The following TOP2A variants were observed in gnomAD, a reference collection of about 807,000 sequenced individuals.
The protein encoded by TOP2A is DNA topoisomerase 2-alpha.
TOP2A carries 68 observed loss-of-function variants against 187.2 expected under a neutral mutation model. The ratio of observed to expected loss-of-function variants is 0.36; its 90% CI spans 0.30 to 0.44. TOP2A has a LOEUF of 0.44. Ranked by LOEUF, TOP2A falls within the 20% of genes least tolerant of loss-of-function variation. TOP2A has a pLI of 1.00. For missense variants in TOP2A, 1,196 were observed against 1,808.7 expected, an observed-to-expected ratio of 0.66 and a Z score of 6.14; for synonymous variants, 542 against 593.2, an observed-to-expected ratio of 0.91 and a Z score of 1.25.
In TOP2A at chr17:40,404,858, T is replaced by C; in HGVS notation, c.1979A>G (p.Asp660Gly). The C allele has an allele frequency of 6.3e-7, 1 of 1,594,996 alleles. No homozygotes were observed. Among genetic ancestry groups the C allele is most frequent in the Non-Finnish European group, 8.6e-7 (1 of 1,169,300 alleles). ...SLAFSKKQID[D>G]RKEWLTNFME... ...GAAATTAGTTAACCATTCCTTTCGATCATCTATCTGTTTTTTGCTAAAGGC... is the reference window on the plus strand; with the variant it reads ...GAAATTAGTTAACCATTCCTTTCGACCATCTATCTGTTTTTTGCTAAAGGC... The change falls in exon 17 of 35, where the codon GAT becomes GGT. Residue 660 changes from aspartate to glycine, a missense_variant. By Grantham distance (94) the Asp-to-Gly change is moderately conservative. This residue lies in a region of TOP2A where 209 missense variants were observed against 376.9 expected (regional missense o/e 0.55). Coordinates refer to ENST00000423485, the MANE Select transcript of TOP2A (RefSeq NM_001067.4).
At chr17:40,409,627 T>C (rs1189671037) in intron 10 of TOP2A, 2 of 301,000 alleles carry the variant, frequency 6.6e-6, no homozygotes, top group Middle Eastern at 8.2e-4. Flanking sequence ...GATGTGATGG[T>C]GCATGTCTGT....
rs1413976895 is a variant in TOP2A, at chr17:40,411,192, C to T, written c.1120G>A (p.Asp374Asn). 3 of 1,613,550 alleles carry T rather than the reference C, an allele frequency of 1.9e-6. No homozygotes were observed. The highest frequency in any genetic ancestry group is 2.5e-6 in the Non-Finnish European group (3 of 1,179,746). Residue 374 changes from aspartate (D) to asparagine (N), a missense_variant, in exon 10 of 35, where the codon GAC becomes AAC. Around this residue, in one of 10 missense-constraint regions of TOP2A, gnomAD observed 252 missense variants for 434.8 expected, o/e 0.58. Coordinates refer to ENST00000423485, the MANE Select transcript of TOP2A (RefSeq NM_001067.4). The surrounding 1 kb of genome is among the most constrained non-coding windows in gnomAD (Gnocchi z 4.4). ...GTCATGTTTTCTTTTGTCTGAGAGT[C>T]AAAGGTTGGGTTTTCAATTAAGGCA... ...VNALIENPTF[D>N]SQTKENMTLQ...
intron 11 of TOP2A, 26 bp downstream of exon 11, chr17:40,408,466 G>A: frequency 6.3e-7 from 1 of 1,590,048 alleles, no homozygotes; most frequent in Non-Finnish European, 8.5e-7. Flanking sequence ...AGACTTAAAA[G>A]TTTGGAAACA....
intron 20 of TOP2A, among the ~76,000 whole-genome samples, chr17:40,402,318 C>A (rs914920576): frequency 1.3e-5 from 2 of 152,024 alleles, no homozygotes; most frequent in Non-Finnish European, 2.9e-5. Context: ...GGGGAGAGAC[C>A]AAGACTGGAG....
chr17:40,407,014 AG>A, intron 13 of TOP2A, 72 bp from the exon 14 acceptor site: 2 of 1,288,592 alleles, frequency 1.6e-6, no homozygotes, highest in Non-Finnish European at 2.2e-6. Flanking sequence ...CTGTAATCCC[AG>A]AACTTTGGGA....
At chr17:40,390,248 G>A in intron 33 of TOP2A, 84 bp from the exon 34 acceptor site, 1 of 1,280,996 alleles carries the variant, frequency 7.8e-7, no homozygotes, top group Non-Finnish European at 1.1e-6. Context: ...GAGTGCAGTG[G>A]TGTTATCTCG....
At chr17:40,413,150 A>G in intron 6 of TOP2A, 45 bp downstream of exon 6, 1 of 1,427,468 alleles carries the variant, frequency 7.0e-7, no homozygotes, top group Non-Finnish European at 9.6e-7. Flanking sequence ...AAATGGCTAT[A>G]CTACTACCAT....
chr17:40,416,005 G>T lies in TOP2A; in HGVS notation c.332C>A (p.Pro111Gln). The change falls in exon 4 of 35, where the codon CCG becomes CAG. Residue 111 changes from proline to glutamine, a missense_variant and splice_region_variant. This residue lies in a region of TOP2A where 97 missense variants were observed against 171.0 expected (regional missense o/e 0.57). Coordinates refer to ENST00000423485, the MANE Select transcript of TOP2A (RefSeq NM_001067.4). Reference sequence around the variant, plus strand: ...AACAAAAACTAAGCAAAAGACGTACGGATCAATTGTGACTCTAATACAAGA... The same window carrying T: ...AACAAAAACTAAGCAAAAGACGTACTGATCAATTGTGACTCTAATACAAGA... ...KMSCIRVTID[P>Q]ENNLISIWNN... 6.3e-7 allele frequency: 1 copy of T among 1,581,156 alleles called. No homozygotes were observed. Among genetic ancestry groups the T allele is most frequent in the East Asian group, 2.3e-5 (1 of 44,180 alleles).
chr17:40,408,805 T>G (rs1372131509), intron 10 of TOP2A, 175 bp from the exon 11 acceptor site: 1 of 715,832 alleles, frequency 1.4e-6, no homozygotes, highest in Non-Finnish European at 2.5e-6. Context: ...TTATCACCAC[T>G]GAGGGAGCTG....
intron 10 of TOP2A, chr17:40,409,199 A>G (rs1389402299): frequency 3.4e-5 from 9 of 263,970 alleles, no homozygotes; most frequent in Non-Finnish European, 6.0e-5. Context: ...CGTCTCAAAA[A>G]AAAAAAAAAA....
At chr17:40,410,037 G>A (rs535823531) in intron 10 of TOP2A, 43 of 166,994 alleles carry the variant, frequency 2.6e-4, no homozygotes, top group African/African-American at 9.6e-4. Context: ...GCAGTGAGCC[G>A]AGATCGTGCC....
intron 4 of TOP2A, 67 bp from the exon 5 acceptor site, chr17:40,413,692 T>C (rs2035352831): frequency 1.3e-6 from 1 of 795,784 alleles, no homozygotes; most frequent in Admixed American, 3.5e-5. Flanking sequence ...TTTAAAAATA[T>C]TTAAATACTA....
At chr17:40,404,637 T>A (rs2143659021) in intron 17 of TOP2A, 146 bp from the exon 18 acceptor site, 1 of 719,182 alleles carries the variant, frequency 1.4e-6, no homozygotes, top group East Asian at 2.8e-5. Flanking sequence ...ATATTTTATA[T>A]GTTTTAAAGA....
Position 40,416,567 on chromosome 17 carries a change from TATC to T in TOP2A, c.178-58_178-56del, listed in dbSNP as rs764241084. ...TTTTATTCTATATTCATTGTTCTGT[TATC>T]ATGATTACCATAAAGTGTTCATATT... On this transcript the variant is annotated intron_variant, in intron 2 of 34. Transcript: ENST00000423485. 1.4e-5 allele frequency: 20 copies of T among 1,469,796 alleles called. 1 individual carries two copies. In the Admixed American group the frequency reaches 2.8e-4, roughly 21 times the overall value. The allele number at this position is 1,469,796 out of a possible 1,614,324, so 91.0% of individuals were successfully genotyped here. A position where few individuals can be genotyped will look rare whatever the true frequency, so the allele number is the denominator to read the frequency against.
intron 4 of TOP2A, among the ~76,000 whole-genome samples, chr17:40,415,344 G>A (rs561705650): frequency 1.3e-5 from 2 of 152,218 alleles, no homozygotes; most frequent in African/African-American, 2.4e-5. Context: ...ATGAGCCACC[G>A]TGCCTGGCCC....
At chr17:40,414,666 C>T (rs1342595467) in intron 4 of TOP2A, among the ~76,000 whole-genome samples, 1 of 151,884 alleles carries the variant, frequency 6.6e-6, no homozygotes, top group Non-Finnish European at 1.5e-5. Context: ...CCAGCCTGAC[C>T]AACATGCAGA....
chr17:40,399,140 A>T lies in TOP2A; in HGVS notation c.3197-9T>A. On this transcript the variant is annotated splice_polypyrimidine_tract_variant and intron_variant, in intron 24 of 34. Coordinates refer to ENST00000423485, the MANE Select transcript of TOP2A (RefSeq NM_001067.4). ...TTTCTTAGGCTTATTTTCTATTTTTAAAAAAGTAAACAGAGATAATGATTT... is the reference window on the plus strand; with the variant it reads ...TTTCTTAGGCTTATTTTCTATTTTTTAAAAAGTAAACAGAGATAATGATTT... 1.3e-6 allele frequency: 2 copies of T among 1,505,282 alleles called. No homozygotes were observed. The highest frequency in any genetic ancestry group is 9.0e-7 in the Non-Finnish European group (1 of 1,105,962). The allele number at this position is 1,505,282 out of a possible 1,614,324, so 93.2% of individuals were successfully genotyped here.
intron 1 of TOP2A, 97 bp from the exon 2 acceptor site, chr17:40,416,992 T>C (rs16965778): frequency 0.025 from 26,355 of 1,052,876 alleles, 475 homozygotes; most frequent in African/African-American, 0.077. Flanking sequence ...GATGTCAACA[T>C]GCATTGCAAT....
At chr17:40,396,741 T>C (rs1037452993) in intron 27 of TOP2A, among the ~76,000 whole-genome samples, 1 of 152,160 alleles carries the variant, frequency 6.6e-6, no homozygotes, top group African/African-American at 2.4e-5. Context: ...AACATGTATA[T>C]ACATATATAT....
Sources: allele counts gnomAD v4.1 joint callset (sites outside exome capture counted in the v4.1 genomes callset), GRCh38; gene constraint gnomAD v4.1.1; regional missense constraint gnomAD v4.1.1; non-coding constraint Gnocchi (gnomAD v3.1); transcripts MANE v1.5; gene names NCBI Gene and HGNC (gene_info 2026-07-23, HGNC 2026-07-21).